Variants in H2BC12 observed in about 807,000 individuals in gnomAD.
H2BC12 encodes H2B clustered histone 12.
Under a neutral mutation model 6.3 loss-of-function variants are expected in H2BC12, and 6 were observed. The observed-to-expected ratio is 0.95, with a 90% CI of 0.52 to 1.87. The LOEUF (loss-of-function observed/expected upper bound fraction) is 1.87, where lower values mean the gene tolerates loss of function less well. H2BC12 is among the 40% of genes most tolerant of loss of function. The pLI is 0.01. For missense variants in H2BC12, 119 were observed against 178.4 expected (o/e 0.67, Z 1.90); for synonymous variants, 132 against 78.5 (o/e 1.68, Z -3.60).
chr6:27,140,004 G>A, the H2BC12 span: 1 of 189,266 alleles, frequency 5.3e-6, no homozygotes, highest in Admixed American at 5.7e-5. Context: ...AGTTTGATGG[G>A]CTCCACTAAA....
chr6:27,145,076 C>T (rs1439141777), downstream of H2BC12, among the ~76,000 whole-genome samples: 1 of 152,086 alleles, frequency 6.6e-6, no homozygotes, highest in Admixed American at 6.5e-5. Context: ...ATCAGTGCCT[C>T]CTATATAGGT....
At chr6:27,146,043 TACACGTG>T (rs1562028162), downstream of H2BC12, among the ~76,000 whole-genome samples, 2 of 152,214 alleles carry the variant, frequency 1.3e-5, no homozygotes, top group Non-Finnish European at 2.9e-5. Context: ...TGGTGGAAAG[TACACGTG>T]ACACAATAGG....
chr6:27,139,712 T>A, the H2BC12 span: 6 of 1,484,634 alleles, frequency 4.0e-6, no homozygotes, highest in Admixed American at 1.5e-4. Flanking sequence ...GCAAACTGAG[T>A]CTCTTAATAG....
chr6:27,143,338 T>A (rs373419186), downstream of H2BC12, among the ~76,000 whole-genome samples: 51 of 150,996 alleles, frequency 3.4e-4, no homozygotes, highest in East Asian at 6.9e-3. Context: ...GGCGACAGAG[T>A]AAGACTGTCT....
At chr6:27,140,633 GCTTT>G in the H2BC12 span, among the ~76,000 whole-genome samples, 1 of 151,642 alleles carries the variant, frequency 6.6e-6, no homozygotes, top group East Asian at 1.9e-4. Flanking sequence ...TGAACAATTT[GCTTT>G]CCAGGGTAGT....
At chr6:27,146,265 C>T (rs1581435579), downstream of H2BC12, among the ~76,000 whole-genome samples, 1 of 152,354 alleles carries the variant, frequency 6.6e-6, no homozygotes, top group African/African-American at 2.4e-5. Context: ...GCATGCATTA[C>T]TCAGTGTGAT....
downstream of H2BC12, among the ~76,000 whole-genome samples, chr6:27,145,697 A>G (rs1001641087): frequency 5.3e-5 from 8 of 152,156 alleles, no homozygotes; most frequent in Non-Finnish European, 8.8e-5. Flanking sequence ...AAAATTACTG[A>G]TTGGACCAAT....
downstream of H2BC12, among the ~76,000 whole-genome samples, chr6:27,142,411 TA>T (rs1760017183): frequency 1.3e-5 from 2 of 151,760 alleles, no homozygotes; most frequent in South Asian, 4.2e-4. Context: ...TAGCTGGGAT[TA>T]CAGGTGCGTA....
At chr6:27,139,559 C>G in the H2BC12 span, 4 of 1,614,102 alleles carry the variant, frequency 2.5e-6, no homozygotes, top group Non-Finnish European at 3.4e-6. Context: ...ACGGTCACCG[C>G]CATGGACGTG....
At chr6:27,145,007 T>G (rs1437615283), downstream of H2BC12, among the ~76,000 whole-genome samples, 4 of 152,116 alleles carry the variant, frequency 2.6e-5, no homozygotes, top group African/African-American at 7.2e-5. Flanking sequence ...ATGTTAGCCA[T>G]GCTGGTTTTG....
At chr6:27,141,916 G>A (rs951696712), downstream of H2BC12, among the ~76,000 whole-genome samples, 4 of 152,200 alleles carry the variant, frequency 2.6e-5, no homozygotes, top group Admixed American at 1.3e-4. Flanking sequence ...TATAGCACTA[G>A]CCATGCATGG....
chr6:27,140,084 G>T, the H2BC12 span, among the ~76,000 whole-genome samples: 3 of 151,964 alleles, frequency 2.0e-5, no homozygotes, highest in Admixed American at 1.3e-4. Flanking sequence ...AGCTCTGCAT[G>T]GGGGGGAGGG....
rs1202783505 is a variant in H2BC12 at position 27,146,575 on chromosome 6, G to A, written c.224C>T (p.Ala75Val). Residue 75 changes from alanine (A) to valine (V), a missense_variant, in exon 1 of 1, where the codon GCG becomes GTG. Coordinates refer to ENST00000356950, the MANE Select transcript of H2BC12 (RefSeq NM_001312653.2). ...SFVNDIFERI[A>V]GEASRLAHYN... is the part of the protein sequence containing the mutation. ...ATGCGCCAGGCGGGAAGCCTCACCC[G>A]CGATGCGTTCGAAGATGTCGTTGAC... is the stretch of plus-strand genomic sequence containing the variant. 5 of 1,614,208 alleles carry A rather than the reference G, an allele frequency of 3.1e-6. No individual in the cohort carries two copies. Among genetic ancestry groups the A allele is most frequent in the Admixed American group, 3.3e-5 (2 of 60,020 alleles).
the H2BC12 span, chr6:27,139,182 C>T: frequency 6.0e-6 from 6 of 1,008,264 alleles, no homozygotes; most frequent in African/African-American, 6.5e-5. Context: ...CCTTTTAGGT[C>T]CCCTCCCCCA....
At chr6:27,145,064 A>G (rs558036046), downstream of H2BC12, among the ~76,000 whole-genome samples, 2 of 152,166 alleles carry the variant, frequency 1.3e-5, no homozygotes, top group Non-Finnish European at 2.9e-5. Flanking sequence ...GTATAGATAT[A>G]GATCAGTGCC....
At position 27,146,718 on chromosome 6, in the gene H2BC12, G is replaced by A. The variant is rs148830210; in HGVS notation, c.81C>T (p.Gly27=). 6.0e-5 allele frequency: 97 copies of A among 1,614,146 alleles called. No homozygotes were observed. The highest frequency in any genetic ancestry group is 2.0e-4 in the African/African-American group (15 of 74,950). Residue 27 remains glycine (G), a synonymous_variant, in exon 1 of 1, where the codon GGC becomes GGT. Transcript: ENST00000356950. ...KAVTKAQKKD[G]KKRKRSRKES... ...CCTTGCGGCTGCGCTTGCGCTTCTT[G>A]CCGTCCTTCTTCTGCGCCTTAGTCA...
downstream of H2BC12, among the ~76,000 whole-genome samples, chr6:27,145,532 C>T (rs1367999009): frequency 6.6e-6 from 1 of 152,224 alleles, no homozygotes; most frequent in Admixed American, 6.5e-5. Flanking sequence ...CACCACCTAA[C>T]ACTTAGCTCA....
chr6:27,139,733 A>G, the H2BC12 span: 4 of 1,421,728 alleles, frequency 2.8e-6, no homozygotes, highest in Admixed American at 2.8e-5. Context: ...GGCCATTGTC[A>G]GTGAGTTCTG....
rs1760088005 is a variant in H2BC12 at position 27,146,594 on chromosome 6, C to T, written c.205G>A (p.Asp69Asn). The change falls in exon 1 of 1, where the codon GAC becomes AAC. Residue 69 changes from aspartate (D) to asparagine (N), a missense_variant. By Grantham distance (23) the Asp-to-Asn change is conservative (BLOSUM62 1). This residue lies in a region of H2BC12 where 69 missense variants were observed against 141.0 expected (regional missense o/e 0.49). Coordinates refer to ENST00000356950, the MANE Select transcript of H2BC12 (RefSeq NM_001312653.2). Reference protein sequence around the residue: ...AMGIMNSFVNDIFERIAGEAS... With the variant: ...AMGIMNSFVNNIFERIAGEAS... Reference sequence around the variant, plus strand: ...TCACCCGCGATGCGTTCGAAGATGTCGTTGACGAAGGAGTTCATGATTCCC... The same window carrying T: ...TCACCCGCGATGCGTTCGAAGATGTTGTTGACGAAGGAGTTCATGATTCCC... 6.2e-7 allele frequency: 1 copy of T among 1,614,124 alleles called. No homozygotes were observed.
Sources: allele counts gnomAD v4.1 joint callset (sites outside exome capture counted in the v4.1 genomes callset), GRCh38; gene constraint gnomAD v4.1.1; regional missense constraint gnomAD v4.1.1; transcripts MANE v1.5; gene names NCBI Gene and HGNC (gene_info 2026-07-23, HGNC 2026-07-21).